COL18A1: variants seen among roughly 807,000 people sequenced by gnomAD.
The protein encoded by COL18A1 is collagen type XVIII alpha 1 chain.
COL18A1 carries 133 observed loss-of-function variants against 168.0 expected under a neutral mutation model. The ratio of observed to expected loss-of-function variants is 0.79; its 90% confidence interval spans 0.69 to 0.91. COL18A1 has a LOEUF of 0.91. Ranked by LOEUF, COL18A1 falls within the 40% of genes least tolerant of loss-of-function variation. COL18A1 has a pLI of 0.00. For missense variants in COL18A1, 2,126 were observed against 1,925.4 expected, an observed-to-expected ratio of 1.10 and a Z score of -1.95; for synonymous variants, 949 against 809.0, an observed-to-expected ratio of 1.17 and a Z score of -2.94.
At position 45,423,063 on chromosome 21, in the gene COL18A1, A is replaced by G. The variant is rs1367631368; in HGVS notation, c.106+17590A>G. On this transcript the variant is annotated intron_variant, in intron 2 of 41. Transcript: ENST00000651438. The surrounding 1 kb of genome is among the most constrained non-coding windows in gnomAD (Gnocchi z 4.0). ...TCCCGACCTCAGGTGATCTGCCCGC[A>G]TCTCCTTCCCAGAGTGTTGGGATTA... Among the ~76,000 whole-genome samples, 2 of 152,140 alleles carry G rather than the reference A, an allele frequency of 1.3e-5. No individual in the cohort carries two copies. Among genetic ancestry groups the G allele is most frequent in the East Asian group, 1.9e-4 (1 of 5,172 alleles).
At chr21:45,455,481 C>G (rs1194972938) in intron 2 of COL18A1, 2 of 1,606,154 alleles carry the variant, frequency 1.2e-6, no homozygotes, top group African/African-American at 2.7e-5. Context: ...AGCCCCACCT[C>G]CAGGCACAGA....
At chr21:45,472,856 CAT>C (rs141984694) in intron 3 of COL18A1, among the ~76,000 whole-genome samples, 3,198 of 152,314 alleles carry the variant, frequency 0.021, 105 homozygotes, top group African/African-American at 0.067. Flanking sequence ...TGTTTGCACA[CAT>C]GTGTCCATGC....
intron 15 of COL18A1, among the ~76,000 whole-genome samples, chr21:45,483,462 C>T (rs2035968763): frequency 6.6e-6 from 1 of 152,144 alleles, no homozygotes. Context: ...ATTTATCTGA[C>T]ACCCCCCCAA....
At chr21:45,408,953 G>T (rs1338982579) in intron 2 of COL18A1, among the ~76,000 whole-genome samples, 1 of 152,230 alleles carries the variant, frequency 6.6e-6, no homozygotes, top group African/African-American at 2.4e-5. Context: ...AGGAGGGTGT[G>T]CCAGCCAACT....
Position 45,443,003 on chromosome 21 carries a change from CGGTGCTGATGTGGGTGGTGGT to C in COL18A1, c.107-25224_107-25204del, listed in dbSNP as rs1278002542. Among the ~76,000 whole-genome samples the C allele has an allele frequency of 1.2e-4, 13 of 110,946 alleles. No individual in the cohort carries two copies. Among genetic ancestry groups the C allele is most frequent in the African/African-American group, 2.1e-4 (5 of 23,946 alleles). The allele number at this position is 110,946 out of a possible 152,430, so 72.8% of individuals were successfully genotyped here. On this transcript the variant is annotated intron_variant, in intron 2 of 41. Coordinates refer to ENST00000651438, the MANE Select transcript of COL18A1 (RefSeq NM_001379500.1). This position sits in a 1 kb window ranked among gnomAD's most constrained non-coding sequence, Gnocchi z 5.2. ...TGGGTGGCGGTGCTGGTGTGGGCGG[CGGTGCTGATGTGGGTGGTGGT>C]GGTGCTGATGTGGGCGGCGGTGCTG...
chr21:45,405,318 G>A (rs1412912688), intron 1 of COL18A1, 61 bp from the exon 2 acceptor site: 1 of 948,940 alleles, frequency 1.1e-6, no homozygotes, highest in Non-Finnish European at 1.3e-6. Context: ...GCGGGGCTCG[G>A]CCGGGTCCTG....
intron 15 of COL18A1, 86 bp from the exon 16 acceptor site, chr21:45,486,775 C>T (rs1028092115): frequency 2.4e-5 from 34 of 1,407,992 alleles, no homozygotes; most frequent in Non-Finnish European, 3.2e-5. Flanking sequence ...GTTTAGAAAG[C>T]ATCATAAGAA....
intron 15 of COL18A1, among the ~76,000 whole-genome samples, chr21:45,485,683 A>C (rs2838943): frequency 0.31 from 47,303 of 151,988 alleles, 7,471 homozygotes; most frequent in African/African-American, 0.38. Context: ...GGAGACCCAG[A>C]CCTAGAAGGG....
chr21:45,452,105 G>A (rs772377423), intron 2 of COL18A1, among the ~76,000 whole-genome samples: 3 of 152,244 alleles, frequency 2.0e-5, no homozygotes, highest in Non-Finnish European at 4.4e-5. Flanking sequence ...AGGCCATGCC[G>A]AAACCCTGGT....
rs1316731045 is a variant in COL18A1 at position 45,437,362 on chromosome 21, A to G, written c.107-30880A>G. Among the ~76,000 whole-genome samples, 262 of 114,220 alleles carry G rather than the reference A, an allele frequency of 2.3e-3. 10 individuals are homozygous for G. The highest frequency in any genetic ancestry group is 0.01 in the African/African-American group (236 of 23,382). 74.9% of individuals were successfully genotyped at this position (114,220 alleles called of 152,430 possible). ...GACACACAGGCACTCTCCTGCGCAC[A>G]CACACACACTCAGACACACAGGCAC... On this transcript the variant is annotated intron_variant, in intron 2 of 41. Coordinates refer to ENST00000651438, the MANE Select transcript of COL18A1 (RefSeq NM_001379500.1).
At chr21:45,412,073 C>T (rs1020634922) in intron 2 of COL18A1, among the ~76,000 whole-genome samples, 1 of 152,086 alleles carries the variant, frequency 6.6e-6, no homozygotes, top group African/African-American at 2.4e-5. Flanking sequence ...CTGGGAATGC[C>T]GGGTTTGTGG....
intron 15 of COL18A1, among the ~76,000 whole-genome samples, chr21:45,485,044 G>GCAGTCT (rs2036060573): frequency 6.6e-6 from 1 of 151,660 alleles, no homozygotes; most frequent in South Asian, 2.1e-4. Context: ...CCGCAGTGGT[G>GCAGTCT]CAGTCTCAGC....
intron 17 of COL18A1, chr21:45,487,713 G>C (rs745653671): frequency 2.0e-5 from 14 of 707,004 alleles, no homozygotes; most frequent in African/African-American, 3.5e-5. Flanking sequence ...AAGTCACGGG[G>C]TGAGGGCCTG....
At chr21:45,448,970 T>C (rs1298915693) in intron 2 of COL18A1, among the ~76,000 whole-genome samples, 1 of 152,202 alleles carries the variant, frequency 6.6e-6, no homozygotes, top group Non-Finnish European at 1.5e-5. Context: ...CGTGTTTAGG[T>C]GCAGGCTTTG....
intron 2 of COL18A1, among the ~76,000 whole-genome samples, chr21:45,435,735 G>A (rs1374649073): frequency 1.3e-5 from 2 of 152,146 alleles, no homozygotes; most frequent in Admixed American, 6.5e-5. Context: ...CGTGGGCTGA[G>A]GCATGTTGGG....
At chr21:45,503,155 C>T (rs1381855186) in intron 32 of COL18A1, among the ~76,000 whole-genome samples, 2 of 152,160 alleles carry the variant, frequency 1.3e-5, no homozygotes, top group African/African-American at 4.8e-5. Context: ...CACTGACTTC[C>T]ACAATGGTTG....
chr21:45,405,438 T>C lies in COL18A1; in HGVS notation c.71T>C (p.Leu24Pro). 7.3e-7 allele frequency: 1 copy of C among 1,377,262 alleles called. No homozygotes were observed. The allele number at this position is 1,377,262 out of a possible 1,614,324, so 85.3% of individuals were successfully genotyped here. A position where few individuals can be genotyped will look rare whatever the true frequency, so the allele number is the denominator to read the frequency against. ...RLLDVLAPLVLLLGVRAASAE... is the reference protein window; with the variant it reads ...RLLDVLAPLVPLLGVRAASAE... Reference sequence around the variant, plus strand: ...CTGGACGTGCTCGCGCCCCTGGTCCTGCTGCTCGGGGTCCGCGCGGCCTCC... The same window carrying C: ...CTGGACGTGCTCGCGCCCCTGGTCCCGCTGCTCGGGGTCCGCGCGGCCTCC... The change falls in exon 2 of 42, where the codon CTG (leucine) becomes CCG (proline). Residue 24 changes from leucine to proline, a missense_variant. Leu to Pro is a moderately conservative substitution (Grantham distance 98). Transcript: ENST00000651438.
chr21:45,510,145 G>A lies in COL18A1; in HGVS notation c.3577G>A (p.Ala1193Thr). Residue 1193 changes from alanine (A) to threonine (T), a missense_variant, in exon 40 of 42, where the codon GCG (alanine) becomes ACG (threonine). Coordinates refer to ENST00000651438, the MANE Select transcript of COL18A1 (RefSeq NM_001379500.1). The stretch of plus-strand genomic sequence containing the variant: ...GGCCGACTTCCAGTGCTTCCAGCAG[G>A]CGCGGGCCGTGGGGCTGGCGGGCAC... ...RGADFQCFQQARAVGLAGTFR... is the reference protein window; with the variant it reads ...RGADFQCFQQTRAVGLAGTFR... 2 of 1,599,614 alleles carry A rather than the reference G, an allele frequency of 1.3e-6. No homozygotes were observed. Among genetic ancestry groups the A allele is most frequent in the Non-Finnish European group, 1.7e-6 (2 of 1,174,044 alleles).
chr21:45,453,197 ATG>A (rs1469891626), intron 2 of COL18A1, among the ~76,000 whole-genome samples: 9 of 152,132 alleles, frequency 5.9e-5, no homozygotes, highest in East Asian at 1.9e-4. Flanking sequence ...GCATGTATTC[ATG>A]TGTGACATGT....
Sources: gnomAD v4.1 joint callset for allele counts (sites outside exome capture counted in the v4.1 genomes callset) on GRCh38, gnomAD v4.1.1 for gene constraint, Gnocchi (gnomAD v3.1) non-coding constraint, MANE v1.5 for transcripts, NCBI Gene and HGNC (gene_info 2026-07-23, HGNC 2026-07-21) for gene names.